The following RCSD1 variants were observed in gnomAD, a reference collection of about 807,000 sequenced individuals.
The protein encoded by RCSD1 is capZ-interacting protein.
RCSD1 carries 26 observed loss-of-function variants against 42.5 expected under a neutral mutation model. The ratio of observed to expected loss-of-function variants is 0.61; its 90% CI spans 0.45 to 0.85. RCSD1 has a LOEUF of 0.85. Ranked by LOEUF, RCSD1 falls within the 40% of genes least tolerant of loss-of-function variation. RCSD1 has a pLI of 0.00. For synonymous variants in RCSD1, 220 were observed against 212.2 expected, an observed-to-expected ratio of 1.04 and a Z score of -0.32; for missense variants, 571 against 528.3, an observed-to-expected ratio of 1.08 and a Z score of -0.79.
intron 1 of RCSD1, among the ~76,000 whole-genome samples, chr1:167,675,485 G>A (rs1658929009): frequency 6.6e-6 from 1 of 151,988 alleles, no homozygotes; most frequent in Admixed American, 6.6e-5. Context: ...CTCCCACCTG[G>A]TCCCTCCTAT....
rs750935521 is a variant in RCSD1 at position 167,697,420 on chromosome 1, C to A, written c.796C>A (p.Arg266=). 1 of 1,612,724 alleles carries A rather than the reference C, an allele frequency of 6.2e-7. No individual in the cohort carries two copies. The highest frequency in any genetic ancestry group is 8.5e-7 in the Non-Finnish European group (1 of 1,179,444). Residue 266 remains arginine (R), a synonymous_variant, in exon 6 of 7, where the codon CGG becomes AGG. Transcript: ENST00000367854. ...EEAKNGEKAR[R]SSEEVDGQHP... ...AGCCAAGAACGGTGAAAAGGCCAGG[C>A]GGAGTTCAGAGGAGGTGGACGGCCA...
At chr1:167,646,536 T>G (rs936872812) in intron 1 of RCSD1, among the ~76,000 whole-genome samples, 4 of 150,964 alleles carry the variant, frequency 2.6e-5, no homozygotes, top group African/African-American at 9.8e-5. Context: ...TTTCTTTTTA[T>G]ATTACTTTAA....
At chr1:167,684,215 T>C (rs965452916) in intron 2 of RCSD1, among the ~76,000 whole-genome samples, 1 of 152,226 alleles carries the variant, frequency 6.6e-6, no homozygotes, top group Non-Finnish European at 1.5e-5. Flanking sequence ...GCTTGCACTC[T>C]GGCCAGGAGG....
Position 167,697,656 on chromosome 1 carries a change from A to G in RCSD1, c.1032A>G (p.Ala344=). The G allele has an allele frequency of 6.2e-7, 1 of 1,605,652 alleles. No homozygotes were observed. The highest frequency in any genetic ancestry group is 1.3e-5 in the African/African-American group (1 of 74,836). ...QETKKLEEGA[A]VKETPHSPPG... is the part of the protein sequence containing the mutation. ...CAAAGAAGCTGGAGGAGGGAGCTGC[A>G]GTGAAGGAGACCCCCCACAGTCCCC... is the stretch of plus-strand genomic sequence containing the variant. The change falls in exon 6 of 7, where the codon GCA becomes GCG. Residue 344 remains alanine, a synonymous_variant. Coordinates refer to ENST00000367854, the MANE Select transcript of RCSD1 (RefSeq NM_052862.4).
At chr1:167,647,061 C>G (rs921476880) in intron 1 of RCSD1, among the ~76,000 whole-genome samples, 2 of 140,326 alleles carry the variant, frequency 1.4e-5, no homozygotes, top group East Asian at 4.3e-4. Context: ...ACCTGGGAGG[C>G]AGAGGTTGCA....
chr1:167,688,493 A>C (rs1286965799), intron 3 of RCSD1, among the ~76,000 whole-genome samples: 1 of 152,102 alleles, frequency 6.6e-6, no homozygotes, highest in Non-Finnish European at 1.5e-5. Context: ...CAGTGAAGAC[A>C]CATGGAGGCA....
At chr1:167,672,650 T>C (rs1658838521) in intron 1 of RCSD1, among the ~76,000 whole-genome samples, 1 of 152,204 alleles carries the variant, frequency 6.6e-6, no homozygotes, top group Non-Finnish European at 1.5e-5. Context: ...CTTGTGATAA[T>C]ATGGGAGCCA....
intron 1 of RCSD1, among the ~76,000 whole-genome samples, chr1:167,657,092 A>G (rs978707608): frequency 6.6e-6 from 1 of 152,254 alleles, no homozygotes; most frequent in Non-Finnish European, 1.5e-5. Flanking sequence ...TATCTACTTC[A>G]TAGGGCAAGT....
intron 1 of RCSD1, chr1:167,665,059 A>T (rs993374969): frequency 6.8e-6 from 1 of 146,748 alleles, no homozygotes; most frequent in Non-Finnish European, 1.5e-5. Context: ...AAAAAAAAAG[A>T]AGAAGAAGAT....
At chr1:167,652,934 T>C (rs907412099) in intron 1 of RCSD1, among the ~76,000 whole-genome samples, 1 of 152,248 alleles carries the variant, frequency 6.6e-6, no homozygotes, top group Non-Finnish European at 1.5e-5. Context: ...ATAAACTGCA[T>C]TCTTCTTTAT....
rs374038656 is a variant in RCSD1 at position 167,648,013 on chromosome 1, AC to A, written c.6+17585del. Reference sequence around the variant, plus strand: ...TAAAAAGACAATCCTGTATAATATAACTACTTCGAATTTTCCACATCTTTAT... The same window carrying A: ...TAAAAAGACAATCCTGTATAATATAATACTTCGAATTTTCCACATCTTTAT... On this transcript the variant is annotated intron_variant, in intron 1 of 6. Coordinates refer to ENST00000367854, the MANE Select transcript of RCSD1 (RefSeq NM_052862.4). Among the ~76,000 whole-genome samples, 167 of 152,218 alleles carry A rather than the reference AC, an allele frequency of 1.1e-3. 3 individuals are homozygous for A. Among genetic ancestry groups the A allele is most frequent in the Admixed American group, 7.6e-3 (116 of 15,308 alleles).
intron 3 of RCSD1, among the ~76,000 whole-genome samples, chr1:167,686,783 T>C (rs1008704422): frequency 5.9e-5 from 9 of 152,206 alleles, no homozygotes; most frequent in Admixed American, 5.2e-4. Context: ...ACCTTCAACC[T>C]CTGGGCTCAG....
intron 1 of RCSD1, among the ~76,000 whole-genome samples, chr1:167,635,594 G>T (rs1267528996): frequency 2.0e-5 from 3 of 152,180 alleles, no homozygotes; most frequent in Non-Finnish European, 4.4e-5. Flanking sequence ...TCAGCAGCCC[G>T]GTAATCTTAT....
At chr1:167,652,521 G>A (rs1325262867) in intron 1 of RCSD1, among the ~76,000 whole-genome samples, 2 of 152,212 alleles carry the variant, frequency 1.3e-5, no homozygotes, top group East Asian at 3.8e-4. Context: ...GCTCCCTCGA[G>A]ACAGACCAAC....
chr1:167,679,380 C>T (rs1183086536), intron 1 of RCSD1, among the ~76,000 whole-genome samples: 1 of 152,244 alleles, frequency 6.6e-6, no homozygotes, highest in African/African-American at 2.4e-5. Flanking sequence ...CAGTCCAGAA[C>T]CCTTTCCATC....
At position 167,688,928 on chromosome 1, in the gene RCSD1, T is replaced by C. The variant is rs76094794; in HGVS notation, c.199-1121T>C. ...TTCTTCATCATCATCATCCTATCAC[T>C]GTCACCATTCTCACATGTTTGTGGG... is the stretch of plus-strand genomic sequence containing the variant. On this transcript the variant is annotated intron_variant, in intron 3 of 6. Transcript: ENST00000367854. Among the ~76,000 whole-genome samples the C allele has an allele frequency of 1.5e-3, 233 of 152,290 alleles. 3 individuals are homozygous for C. Among genetic ancestry groups the C allele is most frequent in the African/African-American group, 5.6e-3 (232 of 41,570 alleles).
At chr1:167,647,882 T>C (rs776632224) in intron 1 of RCSD1, among the ~76,000 whole-genome samples, 7 of 152,240 alleles carry the variant, frequency 4.6e-5, no homozygotes, top group Non-Finnish European at 7.3e-5. Flanking sequence ...ATCTTAAATA[T>C]TTTAAGATTT....
At chr1:167,673,692 C>T (rs1161362673) in intron 1 of RCSD1, among the ~76,000 whole-genome samples, 1 of 152,238 alleles carries the variant, frequency 6.6e-6, no homozygotes, top group East Asian at 1.9e-4. Flanking sequence ...GGACAAGCCA[C>T]ATCTTTCAAT....
chr1:167,682,339 T>C (rs1280398141), intron 1 of RCSD1, among the ~76,000 whole-genome samples: 1 of 152,058 alleles, frequency 6.6e-6, no homozygotes, highest in Non-Finnish European at 1.5e-5. Context: ...CCGGCTAATT[T>C]TGTATTTTTA....
Sources: allele counts gnomAD v4.1 joint callset (sites outside exome capture counted in the v4.1 genomes callset), GRCh38; gene constraint gnomAD v4.1.1; transcripts MANE v1.5; gene names NCBI Gene and HGNC (gene_info 2026-07-23, HGNC 2026-07-21).